WDR86: variants seen among roughly 807,000 people sequenced by gnomAD.
WDR86 encodes WD repeat-containing protein 86.
In WDR86, 30 loss-of-function variants were observed where a neutral mutation model predicts 36.5. That is an observed-to-expected ratio of 0.82 (90% CI 0.61 to 1.11). The LOEUF is 1.11. Among genes scored for constraint, WDR86 ranks in the 50% most tolerant of loss-of-function variants. The pLI is 0.00. For missense variants in WDR86, 545 were observed against 561.2 expected (o/e 0.97, Z 0.29); for synonymous variants, 255 against 252.9 (o/e 1.01, Z -0.08).
intron 1 of WDR86, among the ~76,000 whole-genome samples, chr7:151,402,074 T>A (rs201436822): frequency 0.13 from 8,372 of 63,016 alleles, 648 homozygotes; most frequent in East Asian, 0.23. Context: ...AAAAAAAATA[T>A]ATATATATAT....
chr7:151,393,531 C>G (rs1799590642), intron 3 of WDR86, among the ~76,000 whole-genome samples: 1 of 152,184 alleles, frequency 6.6e-6, no homozygotes, highest in Non-Finnish European at 1.5e-5. Flanking sequence ...CCAGCCTCCA[C>G]CTGGCCAGTG....
downstream of WDR86, among the ~76,000 whole-genome samples, chr7:151,371,031 T>G (rs954720511): frequency 2.0e-5 from 3 of 152,114 alleles, no homozygotes; most frequent in African/African-American, 7.2e-5. Context: ...TCAGAGGTGG[T>G]CTTTTAAAGT....
chr7:151,398,354 T>A (rs1800026128), intron 2 of WDR86, among the ~76,000 whole-genome samples: 1 of 152,144 alleles, frequency 6.6e-6, no homozygotes, highest in Admixed American at 6.5e-5. Context: ...TGCATATGTA[T>A]GTTGTGTATG....
Position 151,395,654 on chromosome 7 carries a change from G to A in WDR86, c.726+122C>T, listed in dbSNP as rs372354484. 14 of 1,247,152 alleles carry A rather than the reference G, an allele frequency of 1.1e-5. No homozygotes were observed. The South Asian group carries it at 1.9e-4, about 17-fold the overall frequency. 77.3% of individuals were successfully genotyped at this position (1,247,152 alleles called of 1,614,324 possible). On this transcript the variant is annotated intron_variant, in intron 3 of 5. Coordinates refer to ENST00000334493, the MANE Select transcript of WDR86 (RefSeq NM_198285.3). ...GGACCGCAAGGCCTCCGTGGCGCTT[G>A]CCAGGCCCCCATCTGCAGCGCTTTG...
At chr7:151,395,732 C>A (rs1473661406) in intron 3 of WDR86, 44 bp downstream of exon 3, 1 of 1,510,024 alleles carries the variant, frequency 6.6e-7, no homozygotes, top group African/African-American at 1.4e-5. Context: ...CAGGGGGTGA[C>A]CTGGGCTCCC....
At chr7:151,380,001 G>T (rs1238075142), downstream of WDR86, among the ~76,000 whole-genome samples, 1 of 152,240 alleles carries the variant, frequency 6.6e-6, no homozygotes, top group Admixed American at 6.5e-5. Context: ...TCTCTGGTAG[G>T]TATGCCCCTT....
chr7:151,405,655 T>G lies in WDR86; in HGVS notation c.163+3772A>C, dbSNP rs1383510552. Among the ~76,000 whole-genome samples the G allele has an allele frequency of 6.6e-6, 1 of 152,120 alleles. No individual in the cohort carries two copies. The highest frequency in any genetic ancestry group is 1.5e-5 in the Non-Finnish European group (1 of 68,020). ...TACGCAGCTTGGCTTTCTGGACTTC[T>G]CCGGTGGGAGCGGTCAGTTGCCCCC... On this transcript the variant is annotated intron_variant, in intron 1 of 5. Coordinates refer to ENST00000334493, the MANE Select transcript of WDR86 (RefSeq NM_198285.3). The surrounding 1 kb of genome is among the most constrained non-coding windows in gnomAD (Gnocchi z 4.7).
In WDR86 at chr7:151,406,108, T is replaced by C. The variant is rs1563068385; in HGVS notation, c.163+3319A>G. 1.3e-5 allele frequency among the ~76,000 whole-genome samples: 2 copies of C among 152,198 alleles called. No homozygotes were observed. Among genetic ancestry groups the C allele is most frequent in the African/African-American group, 2.4e-5 (1 of 41,434 alleles). On this transcript the variant is annotated intron_variant, in intron 1 of 5. Coordinates refer to ENST00000334493, the MANE Select transcript of WDR86 (RefSeq NM_198285.3). The surrounding 1 kb of genome is among the most constrained non-coding windows in gnomAD (Gnocchi z 4.4). ...CAGAGTAATTGCAATGAAGCCTTTTTCACTGTGAGCTCACCAACCGCATTT... is the reference window on the plus strand; with the variant it reads ...CAGAGTAATTGCAATGAAGCCTTTTCCACTGTGAGCTCACCAACCGCATTT...
intron 3 of WDR86, among the ~76,000 whole-genome samples, chr7:151,392,201 C>T (rs183034764): frequency 6.6e-6 from 1 of 152,264 alleles, no homozygotes; most frequent in East Asian, 1.9e-4. Context: ...GCCTATGCTG[C>T]AGCCTGATGC....
intron 3 of WDR86, among the ~76,000 whole-genome samples, chr7:151,392,679 C>T (rs902960917): frequency 3.3e-5 from 5 of 152,172 alleles, no homozygotes; most frequent in African/African-American, 9.7e-5. Context: ...GGCCACCGGC[C>T]GCCCAGGGAC....
chr7:151,381,986 G>A lies in WDR86; in HGVS notation c.863-5C>T, dbSNP rs764987773. The A allele has an allele frequency of 6.9e-6, 11 of 1,595,706 alleles. No individual in the cohort carries two copies. Among genetic ancestry groups the A allele is most frequent in the Non-Finnish European group, 9.4e-6 (11 of 1,172,018 alleles). ...CGTCCCCGCTGCCCGTGAACACTGC[G>A]GACACACAGCGCGCGCTGGGCCTCC... is the stretch of plus-strand genomic sequence containing the variant. On this transcript the variant is annotated splice_region_variant and splice_polypyrimidine_tract_variant and intron_variant, in intron 4 of 5. Coordinates refer to ENST00000334493, the MANE Select transcript of WDR86 (RefSeq NM_198285.3). This position sits in a 1 kb window ranked among gnomAD's most constrained non-coding sequence, Gnocchi z 4.8.
intron 3 of WDR86, among the ~76,000 whole-genome samples, chr7:151,393,997 T>G (rs1799626636): frequency 6.6e-6 from 1 of 152,162 alleles, no homozygotes; most frequent in East Asian, 1.9e-4. Flanking sequence ...TGACCTTCCC[T>G]TCTTTCCTGA....
chr7:151,404,052 G>A (rs904334305), intron 1 of WDR86, among the ~76,000 whole-genome samples: 1 of 152,348 alleles, frequency 6.6e-6, no homozygotes, highest in African/African-American at 2.4e-5. Flanking sequence ...GTGAGCTGTG[G>A]CATCTCTACC....
chr7:151,393,964 A>G (rs1052396104), intron 3 of WDR86, among the ~76,000 whole-genome samples: 1 of 152,132 alleles, frequency 6.6e-6, no homozygotes, highest in African/African-American at 2.4e-5. Flanking sequence ...GGCACGCAAA[A>G]AACAGGTGCG....
rs1799186340 is a variant in WDR86, at chr7:151,388,825, C to A, written c.727-3602G>T. On this transcript the variant is annotated intron_variant, in intron 3 of 5. Transcript: ENST00000334493. The surrounding 1 kb of genome is among the most constrained non-coding windows in gnomAD (Gnocchi z 4.2). ...GAAGCTATGGTCTGAGTGTCGGAAC[C>A]CCCCAAATTCATGCTGGAACTTAAC... is the stretch of plus-strand genomic sequence containing the variant. 2.6e-5 allele frequency among the ~76,000 whole-genome samples: 4 copies of A among 152,092 alleles called. No homozygotes were observed. The highest frequency in any genetic ancestry group is 2.0e-4 in the Admixed American group (3 of 15,264).
chr7:151,400,975 GA>G (rs1800242791), intron 1 of WDR86, among the ~76,000 whole-genome samples: 1 of 152,200 alleles, frequency 6.6e-6, no homozygotes, highest in Non-Finnish European at 1.5e-5. Context: ...CACACCCCTG[GA>G]TGGAGATTTA....
chr7:151,387,525 G>C lies in WDR86; in HGVS notation c.727-2302C>G, dbSNP rs533116846. Among the ~76,000 whole-genome samples the C allele has an allele frequency of 3.9e-5, 6 of 152,256 alleles. No homozygotes were observed. The South Asian group carries it at 1.2e-3, about 32-fold the overall frequency. On this transcript the variant is annotated intron_variant, in intron 3 of 5. Transcript: ENST00000334493. ...GTGGCCCAGGGAGGCCTGAGCCAAG[G>C]GGGAAGGCAGGATGATCCTGAGGGC...
chr7:151,387,664 C>T (rs745810019), intron 3 of WDR86, among the ~76,000 whole-genome samples: 58 of 152,234 alleles, frequency 3.8e-4, no homozygotes, highest in Admixed American at 5.9e-4. Flanking sequence ...TGCGGGCCTC[C>T]ACCTCCCCGG....
intron 3 of WDR86, 86 bp from the exon 4 acceptor site, chr7:151,385,309 G>C: frequency 7.6e-6 from 12 of 1,571,974 alleles, no homozygotes; most frequent in Non-Finnish European, 1.0e-5. Context: ...GAAGGGGCAT[G>C]TGCAGGTCTC....
Sources: gnomAD v4.1 joint callset for allele counts (sites outside exome capture counted in the v4.1 genomes callset) on GRCh38, gnomAD v4.1.1 for gene constraint, Gnocchi (gnomAD v3.1) non-coding constraint, MANE v1.5 for transcripts, NCBI Gene and HGNC (gene_info 2026-07-23, HGNC 2026-07-21) for gene names.